PECR: variants seen among roughly 807,000 people sequenced by gnomAD.
The protein encoded by PECR is 2,4-dienoyl-CoA reductase-related protein.
In PECR, 30 loss-of-function variants were observed where a neutral mutation model predicts 35.3. The ratio of observed to expected loss-of-function variants is 0.85; its 90% CI spans 0.64 to 1.15. The LOEUF (loss-of-function observed/expected upper bound fraction) is 1.15. Among genes scored for constraint, PECR ranks in the 50% most tolerant of loss-of-function variants. PECR has a pLI of 0.00. For missense variants in PECR, 392 were observed against 370.8 expected, an observed-to-expected ratio of 1.06 and a Z score of -0.47; for synonymous variants, 148 against 138.9, an observed-to-expected ratio of 1.07 and a Z score of -0.46.
intron 1 of PECR, among the ~76,000 whole-genome samples, chr2:216,070,473 A>AT (rs1019173700): frequency 6.6e-6 from 1 of 152,024 alleles, no homozygotes; most frequent in Non-Finnish European, 1.5e-5. Context: ...TACTTTTATT[A>AT]TTTTTTTCAT....
chr2:216,035,769 G>C (rs79564859), downstream of PECR, among the ~76,000 whole-genome samples: 7,621 of 152,230 alleles, frequency 0.05, 240 homozygotes, highest in Middle Eastern at 0.11. Context: ...TTCCAGGCAT[G>C]AGTCACTGCG....
chr2:216,051,305 A>G (rs1695110741), intron 5 of PECR, 144 bp downstream of exon 5: 1 of 626,180 alleles, frequency 1.6e-6, no homozygotes. Flanking sequence ...AAAAAAAAAG[A>G]AAATTAGGCT....
chr2:216,055,631 A>G (rs950908946), intron 4 of PECR, among the ~76,000 whole-genome samples: 1 of 151,966 alleles, frequency 6.6e-6, no homozygotes, highest in African/African-American at 2.4e-5. Flanking sequence ...TTCCTTCTCA[A>G]CCATTAAGAG....
intron 1 of PECR, among the ~76,000 whole-genome samples, chr2:216,077,238 G>A (rs1695723736): frequency 6.6e-6 from 1 of 152,088 alleles, no homozygotes; most frequent in South Asian, 2.1e-4. Context: ...GGGGTGCCGA[G>A]GCTCACGCCT....
At chr2:216,059,071 A>G (rs1205996101) in intron 3 of PECR, 95 bp from the exon 4 acceptor site, 9 of 776,526 alleles carry the variant, frequency 1.2e-5, no homozygotes, top group Non-Finnish European at 2.1e-5. Flanking sequence ...GATATGTTTT[A>G]CACGTCCATT....
intron 1 of PECR, among the ~76,000 whole-genome samples, chr2:216,078,020 T>TAAAA (rs201383225): frequency 2.9e-5 from 4 of 138,024 alleles, no homozygotes; most frequent in Admixed American, 7.1e-5. Context: ...TATTTTTCGT[T>TAAAA]AAAAAAAAAA....
chr2:216,038,957 G>A lies in PECR; in HGVS notation c.*318C>T, dbSNP rs564957341. The A allele has an allele frequency of 7.1e-6, 2 of 283,620 alleles. No homozygotes were observed. The highest frequency in any genetic ancestry group is 3.4e-5 in the South Asian group (1 of 28,990). 17.6% of individuals were successfully genotyped at this position (283,620 alleles called of 1,614,324 possible). ...TTACAATTAAATAATAAAATCTTCT[G>A]GGAGTTCATGATCCCTAGAATTATC... On this transcript the variant is annotated 3_prime_UTR_variant, in exon 8 of 8. Transcript: ENST00000265322.
intron 3 of PECR, among the ~76,000 whole-genome samples, chr2:216,061,129 C>CAAA (rs151215904): frequency 5.7e-5 from 3 of 52,404 alleles, no homozygotes; most frequent in East Asian, 5.6e-4. Flanking sequence ...CCGGCTCTAC[C>CAAA]AAAAAAAAAA....
intron 1 of PECR, among the ~76,000 whole-genome samples, chr2:216,079,926 A>G (rs781755379): frequency 6.2e-5 from 9 of 145,000 alleles, no homozygotes; most frequent in Non-Finnish European, 1.2e-4. Context: ...GGTTGCAGTG[A>G]GCCAAGATGG....
intron 4 of PECR, among the ~76,000 whole-genome samples, chr2:216,057,550 C>T (rs1259531369): frequency 6.6e-6 from 1 of 152,082 alleles, no homozygotes; most frequent in African/African-American, 2.4e-5. Context: ...CAGAAAGAAC[C>T]TACAATCTGA....
chr2:216,057,489 GAT>G (rs1695252541), intron 4 of PECR, among the ~76,000 whole-genome samples: 1 of 152,076 alleles, frequency 6.6e-6, no homozygotes, highest in Non-Finnish European at 1.5e-5. Flanking sequence ...GTAGGAAAAA[GAT>G]ATGCCCCCAA....
chr2:216,067,962 C>T (rs1394137933), intron 1 of PECR, among the ~76,000 whole-genome samples: 1 of 152,010 alleles, frequency 6.6e-6, no homozygotes, highest in Non-Finnish European at 1.5e-5. Flanking sequence ...GACGCAGTGG[C>T]TCACACCTGT....
chr2:216,069,069 C>T (rs705648), intron 1 of PECR, among the ~76,000 whole-genome samples: 114,868 of 152,004 alleles, frequency 0.76, 43,613 homozygotes, highest in African/African-American at 0.81. Flanking sequence ...TGCTCTGCTC[C>T]AATATGCTCT....
chr2:216,074,813 C>A (rs1476678009), intron 1 of PECR, among the ~76,000 whole-genome samples: 1 of 152,120 alleles, frequency 6.6e-6, no homozygotes, highest in Non-Finnish European at 1.5e-5. Flanking sequence ...CCACTATAGA[C>A]AAACTTGAAC....
Position 216,065,210 on chromosome 2 carries a change from C to T in PECR, c.424+102G>A. On this transcript the variant is annotated intron_variant, in intron 3 of 7. Coordinates refer to ENST00000265322, the MANE Select transcript of PECR (RefSeq NM_018441.6). ...TTCCTATGTTGTAAGTGAGAAAATC[C>T]AGCCAATAAATGTTAATGACATGGG... The T allele has an allele frequency of 4.8e-6, 4 of 829,516 alleles. No individual in the cohort carries two copies. The Admixed American group carries it at 5.1e-5, about 11-fold the overall frequency. 51.4% of individuals were successfully genotyped at this position (829,516 alleles called of 1,614,324 possible).
chr2:216,078,009 G>A (rs1695746837), intron 1 of PECR, among the ~76,000 whole-genome samples: 1 of 141,626 alleles, frequency 7.1e-6, no homozygotes. Context: ...GAAAACACCT[G>A]TATTTTTCGT....
At chr2:216,077,134 G>A (rs1379339415) in intron 1 of PECR, among the ~76,000 whole-genome samples, 1 of 151,972 alleles carries the variant, frequency 6.6e-6, no homozygotes, top group African/African-American at 2.4e-5. Flanking sequence ...CCCAACCTCA[G>A]GTGGCCGCCC....
chr2:216,074,489 AAAAAAAGGAAGG>A (rs1559219477), intron 1 of PECR, among the ~76,000 whole-genome samples: 1 of 120,978 alleles, frequency 8.3e-6, no homozygotes, highest in African/African-American at 3.0e-5. Context: ...AGAAAGAAAG[AAAAAAAGGAAGG>A]AAGGAAGGAA....
At chr2:216,035,455 G>T (rs1231348428), downstream of PECR, among the ~76,000 whole-genome samples, 1 of 151,472 alleles carries the variant, frequency 6.6e-6, no homozygotes, top group Non-Finnish European at 1.5e-5. Flanking sequence ...CTCAATCTGG[G>T]TGTCAGCCCC....
Sources: allele counts gnomAD v4.1 joint callset (sites outside exome capture counted in the v4.1 genomes callset), GRCh38; gene constraint gnomAD v4.1.1; transcripts MANE v1.5; gene names NCBI Gene and HGNC (gene_info 2026-07-23, HGNC 2026-07-21).